The following VPS13D variants were observed in gnomAD, a reference collection of about 807,000 sequenced individuals.
VPS13D encodes vacuolar protein sorting 13 homolog D, also known as intermembrane lipid transfer protein VPS13D.
Under a neutral mutation model 461.9 loss-of-function variants are expected in VPS13D, and 187 were observed. The observed-to-expected ratio is 0.40, with a 90% CI of 0.36 to 0.46. VPS13D has a LOEUF of 0.46. Among genes scored for constraint, VPS13D ranks in the 20% least tolerant of loss-of-function variants. The pLI, the probability that VPS13D is intolerant of heterozygous loss-of-function variation, is 0.60. For synonymous variants in VPS13D, 1,951 were observed against 1,986.3 expected, an observed-to-expected ratio of 0.98 and a Z score of 0.47; for missense variants, 4,711 against 5,364.9, an observed-to-expected ratio of 0.88 and a Z score of 3.81.
At chr1:12,482,836 A>G (rs565204518) in intron 67 of VPS13D, among the ~76,000 whole-genome samples, 47 of 147,510 alleles carry the variant, frequency 3.2e-4, no homozygotes, top group African/African-American at 1.2e-3. Flanking sequence ...GAATGGGAGT[A>G]CATATGTTGA....
intron 68 of VPS13D, among the ~76,000 whole-genome samples, chr1:12,506,607 A>T (rs1321056899): frequency 1.3e-5 from 2 of 152,266 alleles, no homozygotes; most frequent in Non-Finnish European, 2.9e-5. Flanking sequence ...ATTGAAAGGC[A>T]TCGTGTTTTC....
chr1:12,323,471 C>A (rs940527797), intron 34 of VPS13D, among the ~76,000 whole-genome samples: 2 of 151,944 alleles, frequency 1.3e-5, no homozygotes, highest in African/African-American at 4.8e-5. Flanking sequence ...CCTTCCCCCC[C>A]CACCCCAATT....
At chr1:12,376,851 T>G (rs1027640455) in intron 55 of VPS13D, among the ~76,000 whole-genome samples, 4 of 152,100 alleles carry the variant, frequency 2.6e-5, no homozygotes, top group Admixed American at 1.3e-4. Flanking sequence ...TGATACAGAT[T>G]GTGCTAGAGA....
intron 43 of VPS13D, 140 bp downstream of exon 43, chr1:12,345,649 A>G: frequency 8.5e-7 from 1 of 1,176,700 alleles, no homozygotes; most frequent in Non-Finnish European, 1.2e-6. Context: ...AGTCATAGGC[A>G]TTGGTAATCA....
chr1:12,264,590 G>A (rs539790286), intron 13 of VPS13D, among the ~76,000 whole-genome samples: 14 of 152,360 alleles, frequency 9.2e-5, no homozygotes, highest in African/African-American at 3.4e-4. Context: ...CTAATGCACA[G>A]CAAGGCCTTA....
Position 12,276,586 on chromosome 1 carries a change from G to C in VPS13D, c.2998G>C (p.Val1000Leu). The change falls in exon 19 of 70, where the codon GTT (valine) becomes CTT (leucine). Residue 1000 changes from valine to leucine, a missense_variant. Physicochemically the swap from Val to Leu is conservative, Grantham distance 32 (BLOSUM62 1). Coordinates refer to ENST00000620676, the MANE Select transcript of VPS13D (RefSeq NM_015378.4). The surrounding 1 kb of genome is among the most constrained non-coding windows in gnomAD (Gnocchi z 4.5). ...RPYDAEVSLT[V>L]HGLLLVDTMQ... ...TTATGATGCTGAAGTCTCCCTAACT[G>C]TTCATGGTTTGCTCCTGGTGGATAC... 1 of 1,614,180 alleles carries C rather than the reference G, an allele frequency of 6.2e-7. No individual in the cohort carries two copies. Among genetic ancestry groups the C allele is most frequent in the Non-Finnish European group, 8.5e-7 (1 of 1,180,034 alleles).
At chr1:12,387,681 A>T (rs993456494) in intron 60 of VPS13D, among the ~76,000 whole-genome samples, 23 of 152,268 alleles carry the variant, frequency 1.5e-4, no homozygotes, top group African/African-American at 5.1e-4. Flanking sequence ...TATGGAAGAC[A>T]TAAAAAAACT....
intron 43 of VPS13D, 86 bp downstream of exon 43, chr1:12,345,595 C>T: frequency 6.7e-7 from 1 of 1,484,646 alleles, no homozygotes; most frequent in Non-Finnish European, 9.1e-7. Context: ...TCTAATGAAA[C>T]TTTCTTGTTC....
chr1:12,464,576 C>A (rs1557455701), intron 67 of VPS13D, among the ~76,000 whole-genome samples: 1 of 152,116 alleles, frequency 6.6e-6, no homozygotes, highest in Non-Finnish European at 1.5e-5. Flanking sequence ...AGGGAACCCC[C>A]CCTCCTTATG....
intron 65 of VPS13D, among the ~76,000 whole-genome samples, chr1:12,433,145 G>T (rs1490263845): frequency 3.9e-5 from 6 of 152,198 alleles, no homozygotes; most frequent in African/African-American, 1.4e-4. Context: ...CTGAGAGCCG[G>T]CCTGGCTGGG....
At chr1:12,476,351 G>GT (rs2100466533) in intron 67 of VPS13D, among the ~76,000 whole-genome samples, 1 of 152,352 alleles carries the variant, frequency 6.6e-6, no homozygotes, top group South Asian at 2.1e-4. Flanking sequence ...TCAGGGGTAG[G>GT]TCCAGCTTTC....
At chr1:12,426,417 A>G (rs573880600) in intron 65 of VPS13D, among the ~76,000 whole-genome samples, 8 of 152,354 alleles carry the variant, frequency 5.3e-5, no homozygotes, top group African/African-American at 1.9e-4. Flanking sequence ...AAGCATTTCT[A>G]AACAACTAGG....
intron 65 of VPS13D, among the ~76,000 whole-genome samples, chr1:12,438,598 AAACACAGATC>A (rs1334068035): frequency 1.3e-5 from 2 of 152,152 alleles, no homozygotes; most frequent in African/African-American, 4.8e-5. Flanking sequence ...TTCAGTGGGG[AAACACAGATC>A]AGCACCCAGC....
At chr1:12,255,352 C>A (rs562936469) in intron 7 of VPS13D, among the ~76,000 whole-genome samples, 1 of 152,250 alleles carries the variant, frequency 6.6e-6, no homozygotes, top group Admixed American at 6.5e-5. Flanking sequence ...GTAACAGTCT[C>A]TAACATATAG....
At chr1:12,333,773 C>T (rs1056421014) in intron 38 of VPS13D, among the ~76,000 whole-genome samples, 8 of 152,118 alleles carry the variant, frequency 5.3e-5, no homozygotes, top group African/African-American at 1.9e-4. Context: ...TTTGTTGTTT[C>T]CCATTATCAT....
At chr1:12,255,330 T>C (rs1640883339) in intron 7 of VPS13D, among the ~76,000 whole-genome samples, 1 of 152,224 alleles carries the variant, frequency 6.6e-6, no homozygotes, top group Non-Finnish European at 1.5e-5. Flanking sequence ...TAAAGATCTT[T>C]ATGATGAGTA....
Position 12,311,479 on chromosome 1 carries a change from A to T in VPS13D, c.6676A>T (p.Ile2226Leu), listed in dbSNP as rs751141666. The change falls in exon 28 of 70, where the codon ATA becomes TTA. Residue 2226 changes from isoleucine to leucine, a missense_variant. Ile to Leu is a conservative substitution (Grantham distance 5, BLOSUM62 2). Transcript: ENST00000620676. Reference sequence around the variant, plus strand: ...AGAAATAAGTCATACTGTGCCAGACATATCTATCCATGGCAATCTCTCCTC... The same window carrying T: ...AGAAATAAGTCATACTGTGCCAGACTTATCTATCCATGGCAATCTCTCCTC... Reference protein sequence around the residue: ...DKEISHTVPDISIHGNLSSVH... With the variant: ...DKEISHTVPDLSIHGNLSSVH... The T allele has an allele frequency of 6.2e-7, 1 of 1,613,612 alleles. No individual in the cohort carries two copies. The highest frequency in any genetic ancestry group is 8.5e-7 in the Non-Finnish European group (1 of 1,179,936).
At chr1:12,452,767 C>T (rs921022838) in intron 65 of VPS13D, among the ~76,000 whole-genome samples, 5 of 152,208 alleles carry the variant, frequency 3.3e-5, no homozygotes, top group African/African-American at 1.2e-4. Flanking sequence ...TGATTAACTA[C>T]TCATCAATAC....
At chr1:12,389,126 A>G (rs1482103508) in intron 60 of VPS13D, among the ~76,000 whole-genome samples, 1 of 152,238 alleles carries the variant, frequency 6.6e-6, no homozygotes. Flanking sequence ...AGCATCCAGC[A>G]TGGGAGAAAG....
Sources: gnomAD v4.1 joint callset for allele counts (sites outside exome capture counted in the v4.1 genomes callset) on GRCh38, gnomAD v4.1.1 for gene constraint, Gnocchi (gnomAD v3.1) non-coding constraint, MANE v1.5 for transcripts, NCBI Gene and HGNC (gene_info 2026-07-23, HGNC 2026-07-21) for gene names.